Variants in PROX1 observed in about 807,000 individuals in gnomAD.
The protein encoded by PROX1 is prospero homeobox 1, also known as prospero homeobox protein 1.
Under a neutral mutation model 58.8 loss-of-function variants are expected in PROX1, and 7 were observed. The ratio of observed to expected loss-of-function variants is 0.12; its 90% confidence interval spans 0.07 to 0.22. The LOEUF (loss-of-function observed/expected upper bound fraction) is 0.22. PROX1 is among the 10% of genes least tolerant of loss of function. The pLI is 1.00. For synonymous variants in PROX1, 350 were observed against 358.3 expected (o/e 0.98, Z 0.26); for missense variants, 675 against 927.8 (o/e 0.73, Z 3.54).
Position 213,997,542 on chromosome 1 carries a change from A to G in PROX1, c.1007A>G (p.His336Arg). ...GAAGGCAACAACAAAGAAAGAGACC[A>G]TGGGCCAAACTCCTTACAACCGGAA... ...KREGNNKERD[H>R]GPNSLQPEGK... Residue 336 changes from histidine (H) to arginine (R), a missense_variant, in exon 2 of 5, where the codon CAT becomes CGT. By Grantham distance (29) the His-to-Arg change is conservative. Around this residue, in one of 8 missense-constraint regions of PROX1, gnomAD observed 403 missense variants for 477.4 expected, o/e 0.84. Transcript: ENST00000366958. This position sits in a 1 kb window ranked among gnomAD's most constrained non-coding sequence, Gnocchi z 7.1. 3 of 1,614,082 alleles carry G rather than the reference A, an allele frequency of 1.9e-6. No individual in the cohort carries two copies. The highest frequency in any genetic ancestry group is 1.1e-5 in the South Asian group (1 of 91,074).
rs375885107 is a variant in PROX1 at position 213,990,160 on chromosome 1, G to GA, written c.-68+1687dup. Among the ~76,000 whole-genome samples the GA allele has an allele frequency of 2.3e-3, 326 of 139,968 alleles. 1 individual carries two copies. Among genetic ancestry groups the GA allele is most frequent in the African/African-American group, 7.5e-3 (284 of 37,886 alleles). The allele number at this position is 139,968 out of a possible 152,430, so 91.8% of individuals were successfully genotyped here. A position where few individuals can be genotyped will look rare whatever the true frequency, so the allele number is the denominator to read the frequency against. ...AAAAAAAAAAAAAAAAGAAAGAAAAGAAAAAAAAAAGAACTCATTTCCTTT... is the reference window on the plus strand; with the variant it reads ...AAAAAAAAAAAAAAAAGAAAGAAAAGAAAAAAAAAAAGAACTCATTTCCTTT... On this transcript the variant is annotated intron_variant, in intron 1 of 4. Coordinates refer to ENST00000366958, the MANE Select transcript of PROX1 (RefSeq NM_001270616.2).
chr1:214,030,444 G>C (rs550215482), intron 4 of PROX1: 1 of 152,286 alleles, frequency 6.6e-6, no homozygotes, highest in Non-Finnish European at 1.5e-5. Flanking sequence ...TTGGGGGGTG[G>C]GTGGCCAGGG....
At chr1:213,984,336 T>G (rs1034793995), upstream of PROX1, 4 of 152,098 alleles carry the variant, frequency 2.6e-5, no homozygotes, top group African/African-American at 9.7e-5. Flanking sequence ...TATTTGGGAG[T>G]GGGTTCTTTA....
In PROX1 at chr1:214,035,813, A is replaced by G. The variant is rs1416662357; in HGVS notation, c.2193A>G (p.Leu731=). 1.2e-6 allele frequency: 2 copies of G among 1,612,410 alleles called. No homozygotes were observed. Among genetic ancestry groups the G allele is most frequent in the African/African-American group, 1.3e-5 (1 of 74,980 alleles). The change falls in exon 5 of 5, where the codon CTA becomes CTG. Residue 731 remains leucine, a synonymous_variant. Transcript: ENST00000366958. ...VPEIFKSPNC[L]QELLHE is the part of the protein sequence containing the mutation. ...AGATTTTCAAATCCCCGAACTGCCT[A>G]CAAGAGCTGCTTCATGAGTAGAAAT...
At chr1:214,017,393 G>T (rs990361870) in intron 4 of PROX1, among the ~76,000 whole-genome samples, 1 of 151,916 alleles carries the variant, frequency 6.6e-6, no homozygotes, top group African/African-American at 2.4e-5. Context: ...ATGTCTTTAG[G>T]TATCATATGT....
Position 213,998,185 on chromosome 1 carries a change from C to T in PROX1, c.1650C>T (p.Leu550=), listed in dbSNP as rs35176368. 5.0e-6 allele frequency: 8 copies of T among 1,612,080 alleles called. No homozygotes were observed. The highest frequency in any genetic ancestry group is 2.7e-5 in the African/African-American group (2 of 74,800). The part of the protein sequence containing the change: ...PAHPPSTAEG[L]SLSLIKSECG... ...ACCCGCCCAGCACCGCCGAAGGGCT[C>T]TCCTTGTCGCTCATAAAGTCCGAGT... Residue 550 remains leucine (L), a synonymous_variant, in exon 2 of 5, where the codon CTC becomes CTT. Transcript: ENST00000366958.
rs1322892424 is a variant in PROX1, at chr1:213,999,896, T to C, written c.1725+1636T>C. 2.0e-5 allele frequency among the ~76,000 whole-genome samples: 3 copies of C among 152,204 alleles called. No individual in the cohort carries two copies. The East Asian group carries it at 5.8e-4, about 29-fold the overall frequency. On this transcript the variant is annotated intron_variant, in intron 2 of 4. Transcript: ENST00000366958. The stretch of plus-strand genomic sequence containing the variant: ...GAAGACACAATGGCTTGAATGGTTT[T>C]TGTGCCCTTTGCAAAAAGAGCATCT...
At chr1:214,004,279 G>T (rs1306586003) in intron 2 of PROX1, among the ~76,000 whole-genome samples, 1 of 152,184 alleles carries the variant, frequency 6.6e-6, no homozygotes, top group Non-Finnish European at 1.5e-5. Flanking sequence ...GGATTGTTAT[G>T]GTTAGCCTCA....
intron 1 of PROX1, among the ~76,000 whole-genome samples, chr1:213,993,794 GT>G (rs959492063): frequency 8.6e-5 from 13 of 151,980 alleles, no homozygotes; most frequent in African/African-American, 3.1e-4. Context: ...TTTCCCATTT[GT>G]TTTGTCTTAT....
chr1:213,997,792 C>T lies in PROX1; in HGVS notation c.1257C>T (p.Asn419=), dbSNP rs780296257. ...LQCFGDVIIP[N]PLDTFGNVQM... Reference sequence around the variant, plus strand: ...GCTTTGGCGACGTCATCATTCCGAACCCCCTGGACACCTTTGGCAATGTGC... The same window carrying T: ...GCTTTGGCGACGTCATCATTCCGAATCCCCTGGACACCTTTGGCAATGTGC... Residue 419 remains asparagine, a synonymous_variant, in exon 2 of 5, where the codon AAC becomes AAT. Coordinates refer to ENST00000366958, the MANE Select transcript of PROX1 (RefSeq NM_001270616.2). The surrounding 1 kb of genome is among the most constrained non-coding windows in gnomAD (Gnocchi z 7.1). 1.9e-6 allele frequency: 3 copies of T among 1,614,238 alleles called. No homozygotes were observed. Among genetic ancestry groups the T allele is most frequent in the South Asian group, 1.1e-5 (1 of 91,086 alleles).
At chr1:214,035,390 C>T (rs1664795425) in intron 4 of PROX1, among the ~76,000 whole-genome samples, 1 of 152,170 alleles carries the variant, frequency 6.6e-6, no homozygotes, top group Non-Finnish European at 1.5e-5. Flanking sequence ...CTAATATCCA[C>T]AATGAAATCC....
chr1:213,998,285 G>GA, intron 2 of PROX1, 25 bp downstream of exon 2: 1 of 1,512,610 alleles, frequency 6.6e-7, no homozygotes, highest in Non-Finnish European at 8.8e-7. Flanking sequence ...TCCCCTCGAG[G>GA]AAAAAACAAA....
At chr1:214,033,763 G>A (rs1664740841) in intron 4 of PROX1, among the ~76,000 whole-genome samples, 1 of 152,136 alleles carries the variant, frequency 6.6e-6, no homozygotes, top group Non-Finnish European at 1.5e-5. Flanking sequence ...TTATCTTTGG[G>A]GGTGGAGGTG....
At chr1:213,990,081 G>C (rs1662969167) in intron 1 of PROX1, among the ~76,000 whole-genome samples, 1 of 148,076 alleles carries the variant, frequency 6.8e-6, no homozygotes, top group Non-Finnish European at 1.5e-5. Flanking sequence ...CAAAGTCAAG[G>C]CTAGAAGACT....
intron 4 of PROX1, chr1:214,029,219 C>A (rs920790860): frequency 6.6e-6 from 1 of 152,220 alleles, no homozygotes; most frequent in African/African-American, 2.4e-5. Flanking sequence ...TTTTTGTGTA[C>A]GTGTGTGTGC....
At chr1:213,984,260 A>T (rs1289965280), upstream of PROX1, 1 of 152,228 alleles carries the variant, frequency 6.6e-6, no homozygotes, top group Non-Finnish European at 1.5e-5. Flanking sequence ...TATTGTAATT[A>T]GCCCTTTCGA....
At chr1:213,991,732 A>T (rs1240990044) in intron 1 of PROX1, among the ~76,000 whole-genome samples, 1 of 152,230 alleles carries the variant, frequency 6.6e-6, no homozygotes, top group Non-Finnish European at 1.5e-5. Context: ...GTAAGTTGCC[A>T]GACTTCCTCT....
chr1:214,004,912 C>G (rs566746684), intron 2 of PROX1, among the ~76,000 whole-genome samples: 1 of 152,352 alleles, frequency 6.6e-6, no homozygotes, highest in Admixed American at 6.5e-5. Context: ...GCCATCCTCA[C>G]CCTAAAGTAG....
At chr1:213,999,020 G>A (rs1479573053) in intron 2 of PROX1, among the ~76,000 whole-genome samples, 1 of 152,156 alleles carries the variant, frequency 6.6e-6, no homozygotes, top group Non-Finnish European at 1.5e-5. Context: ...GAAATCTTTT[G>A]TCCCAACATA....
Sources: allele counts gnomAD v4.1 joint callset (sites outside exome capture counted in the v4.1 genomes callset), GRCh38; gene constraint gnomAD v4.1.1; regional missense constraint gnomAD v4.1.1; non-coding constraint Gnocchi (gnomAD v3.1); transcripts MANE v1.5; gene names NCBI Gene and HGNC (gene_info 2026-07-23, HGNC 2026-07-21).